WDTC1: variants seen among roughly 807,000 people sequenced by gnomAD.
WDTC1 encodes the protein WD and tetratricopeptide repeats protein 1.
Under a neutral mutation model 76.0 loss-of-function variants are expected in WDTC1, and 12 were observed. The ratio of observed to expected loss-of-function variants is 0.16; its 90% confidence interval spans 0.10 to 0.26. The LOEUF is 0.26. Among genes scored for constraint, WDTC1 ranks in the 10% least tolerant of loss-of-function variants. The pLI is 1.00. For synonymous variants in WDTC1, 326 were observed against 350.8 expected (o/e 0.93, Z 0.79); for missense variants, 511 against 908.8 (o/e 0.56, Z 5.63).
intron 7 of WDTC1, among the ~76,000 whole-genome samples, chr1:27,293,298 G>A (rs2013589776): frequency 6.6e-6 from 1 of 151,158 alleles, no homozygotes; most frequent in Non-Finnish European, 1.5e-5. Flanking sequence ...CGGGCGTGGT[G>A]GCGGGTGCCT....
intron 3 of WDTC1, among the ~76,000 whole-genome samples, chr1:27,269,646 GCT>G (rs2012800065): frequency 1.0e-5 from 1 of 96,910 alleles, no homozygotes; most frequent in African/African-American, 3.9e-5. Flanking sequence ...AGATGGAATT[GCT>G]CTGTCACCCA....
At chr1:27,269,371 C>T (rs11589265) in intron 3 of WDTC1, among the ~76,000 whole-genome samples, 28,071 of 149,148 alleles carry the variant, frequency 0.19, 3,536 homozygotes, top group Non-Finnish European at 0.28. Flanking sequence ...ACAGTAAATT[C>T]GTTAGGCTAA....
At chr1:27,262,898 TCTTTC>T (rs2012526891) in intron 2 of WDTC1, among the ~76,000 whole-genome samples, 1 of 152,078 alleles carries the variant, frequency 6.6e-6, no homozygotes, top group Admixed American at 6.6e-5. Context: ...CAATTTTTCT[TCTTTC>T]CTTTTTAAAA....
At chr1:27,275,855 A>G (rs2013011998) in intron 3 of WDTC1, among the ~76,000 whole-genome samples, 1 of 152,186 alleles carries the variant, frequency 6.6e-6, no homozygotes, top group East Asian at 1.9e-4. Flanking sequence ...GGATGTTTTC[A>G]TCACCCCAAA....
rs550211194 is a variant in WDTC1 at position 27,287,622 on chromosome 1, G to A, written c.292-52G>A. On this transcript the variant is annotated intron_variant, in intron 5 of 15. Transcript: ENST00000319394. Reference sequence around the variant, plus strand: ...CAGACATCCAGGCTAGCCTCCTTCCGTGGCCATTTCTACTCTTACCACCCA... The same window carrying A: ...CAGACATCCAGGCTAGCCTCCTTCCATGGCCATTTCTACTCTTACCACCCA... 149 of 1,560,748 alleles carry A rather than the reference G, an allele frequency of 9.5e-5. 2 individuals are homozygous for A. In the South Asian group the frequency reaches 1.2e-3, roughly 13 times the overall value.
chr1:27,263,915 T>G (rs1386168695), intron 3 of WDTC1, among the ~76,000 whole-genome samples: 1 of 152,058 alleles, frequency 6.6e-6, no homozygotes, highest in Non-Finnish European at 1.5e-5. Flanking sequence ...ACACATAATG[T>G]ATACGTGCAC....
chr1:27,296,998 G>A, intron 10 of WDTC1, 50 bp from the exon 11 acceptor site: 1 of 1,524,262 alleles, frequency 6.6e-7, no homozygotes, highest in Non-Finnish European at 9.1e-7. Context: ...AGGAAGAAAT[G>A]GGTCCTCTTC....
At chr1:27,253,817 A>G (rs1468729326) in intron 1 of WDTC1, among the ~76,000 whole-genome samples, 3 of 152,176 alleles carry the variant, frequency 2.0e-5, no homozygotes, top group Non-Finnish European at 4.4e-5. Context: ...AGTCTTTTCT[A>G]GTGTTTAATC....
intron 1 of WDTC1, among the ~76,000 whole-genome samples, chr1:27,248,602 TTAA>T (rs1312292327): frequency 6.6e-6 from 1 of 152,228 alleles, no homozygotes; most frequent in Admixed American, 6.5e-5. Flanking sequence ...AGGTTGTCTG[TTAA>T]TGATACACTT....
At chr1:27,243,905 C>T (rs1250362890) in intron 1 of WDTC1, among the ~76,000 whole-genome samples, 3 of 149,314 alleles carry the variant, frequency 2.0e-5, no homozygotes, top group East Asian at 2.0e-4. Flanking sequence ...GTGGGCAGAT[C>T]GCTTGAGCCC....
rs2013922170 is a variant in WDTC1 at position 27,305,104 on chromosome 1, G to T, written c.1747G>T (p.Val583Phe). 6.2e-7 allele frequency: 1 copy of T among 1,613,902 alleles called. No homozygotes were observed. Among genetic ancestry groups the T allele is most frequent in the Non-Finnish European group, 8.5e-7 (1 of 1,179,980 alleles). ...TGTGCTCCAAGGGGATGAGTCCATT[G>T]TCAACTGCCTGCAGCCACACCCCAG... The part of the protein sequence containing the change: ...VRVLQGDESI[V>F]NCLQPHPSYC... Residue 583 changes from valine (V) to phenylalanine (F), a missense_variant, in exon 15 of 16, where the codon GTC becomes TTC. Transcript: ENST00000319394. This position sits in a 1 kb window ranked among gnomAD's most constrained non-coding sequence, Gnocchi z 4.6.
At chr1:27,242,195 T>G (rs1386739453) in intron 1 of WDTC1, among the ~76,000 whole-genome samples, 2 of 151,892 alleles carry the variant, frequency 1.3e-5, no homozygotes, top group Non-Finnish European at 2.9e-5. Context: ...CCTGGCCAGA[T>G]GGTTCACACT....
intron 3 of WDTC1, among the ~76,000 whole-genome samples, chr1:27,281,403 G>A (rs1317004285): frequency 2.8e-5 from 4 of 144,118 alleles, no homozygotes; most frequent in Non-Finnish European, 4.5e-5. Flanking sequence ...GCAGTGAGCT[G>A]AGATCATGCC....
At position 27,305,261 on chromosome 1, in the gene WDTC1, G is replaced by C; in HGVS notation, c.1836+68G>C. The C allele has an allele frequency of 6.5e-7, 1 of 1,528,526 alleles. No homozygotes were observed. The highest frequency in any genetic ancestry group is 2.3e-5 in the East Asian group (1 of 42,980). The allele number at this position is 1,528,526 out of a possible 1,614,324, so 94.7% of individuals were successfully genotyped here. Reference sequence around the variant, plus strand: ...TGGAAGGCTCCAGTGGAGCCTGCTAGCGCAGGGAAGAGAAATGAGCCACCC... The same window carrying C: ...TGGAAGGCTCCAGTGGAGCCTGCTACCGCAGGGAAGAGAAATGAGCCACCC... On this transcript the variant is annotated intron_variant, in intron 15 of 15. Transcript: ENST00000319394. The surrounding 1 kb of genome is among the most constrained non-coding windows in gnomAD (Gnocchi z 4.6).
Position 27,301,467 on chromosome 1 carries a change from TG to T in WDTC1, c.1468+9del, listed in dbSNP as rs756525371. ...CTTCTCTAAAAATGATGGTGGTGAG[TG>T]GGCACTGAGGAGGGGGTGCTGTTAC... On this transcript the variant is annotated splice_region_variant and intron_variant, in intron 13 of 15. Coordinates refer to ENST00000319394, the MANE Select transcript of WDTC1 (RefSeq NM_001276252.2). This position sits in a 1 kb window ranked among gnomAD's most constrained non-coding sequence, Gnocchi z 5.8. 1 of 1,610,998 alleles carries T rather than the reference TG, an allele frequency of 6.2e-7. No individual in the cohort carries two copies. The highest frequency in any genetic ancestry group is 8.5e-7 in the Non-Finnish European group (1 of 1,179,702).
intron 4 of WDTC1, 124 bp downstream of exon 4, chr1:27,282,409 T>C (rs896095666): frequency 3.9e-5 from 34 of 880,146 alleles, no homozygotes; most frequent in Admixed American, 1.8e-4. Context: ...ACTGCTGCTG[T>C]CTGCCGTTCT....
chr1:27,237,877 A>T (rs946639890), intron 1 of WDTC1, among the ~76,000 whole-genome samples: 3 of 143,030 alleles, frequency 2.1e-5, no homozygotes, highest in Non-Finnish European at 3.1e-5. Context: ...AAAAAAAAAG[A>T]AAAGAAAAGA....
In WDTC1 at chr1:27,303,644, G is replaced by T. The variant is rs138603035; in HGVS notation, c.1492G>T (p.Gly498Cys). The change falls in exon 14 of 16, where the codon GGC becomes TGC. Residue 498 changes from glycine to cysteine, a missense_variant. By Grantham distance (159) the Gly-to-Cys change is radical (BLOSUM62 -3). Transcript: ENST00000319394. The surrounding 1 kb of genome is among the most constrained non-coding windows in gnomAD (Gnocchi z 4.8). ...DGEEKKGPGG[G>C]APVRLRSTSR... ...AGAGGAGAAGAAGGGACCTGGTGGC[G>T]GCGCCCCAGTCCGCCTCCGCAGCAC... 12 of 1,602,374 alleles carry T rather than the reference G, an allele frequency of 7.5e-6. No individual in the cohort carries two copies. The highest frequency in any genetic ancestry group is 1.1e-5 in the South Asian group (1 of 89,516).
chr1:27,276,143 T>G (rs971178866), intron 3 of WDTC1, among the ~76,000 whole-genome samples: 2 of 152,352 alleles, frequency 1.3e-5, no homozygotes, highest in Admixed American at 1.3e-4. Context: ...AACATGTGGT[T>G]GTTTCTATTT....
Sources: allele counts gnomAD v4.1 joint callset (sites outside exome capture counted in the v4.1 genomes callset), GRCh38; gene constraint gnomAD v4.1.1; non-coding constraint Gnocchi (gnomAD v3.1); transcripts MANE v1.5; gene names NCBI Gene and HGNC (gene_info 2026-07-23, HGNC 2026-07-21).